ANKRD36: variants seen among roughly 807,000 people sequenced by gnomAD.
The protein encoded by ANKRD36 is ankyrin repeat domain-containing protein 36A.
In ANKRD36, 179 loss-of-function variants were observed where a neutral mutation model predicts 278.1. That is an observed-to-expected ratio of 0.64 (90% CI 0.57 to 0.73). The LOEUF (loss-of-function observed/expected upper bound fraction) is 0.73. ANKRD36 is among the 30% of genes least tolerant of loss of function. The probability of loss-of-function intolerance (pLI) is 0.00; values close to 1 mark genes in which losing one functional copy is unlikely to be tolerated. For missense variants in ANKRD36, 1,159 were observed against 1,956.7 expected (o/e 0.59, Z 7.69); for synonymous variants, 320 against 641.1 (o/e 0.50, Z 7.57).
chr2:97,193,785 AT>A (rs548602325), intron 38 of ANKRD36, among the ~76,000 whole-genome samples: 148 of 151,742 alleles, frequency 9.8e-4, no homozygotes, highest in African/African-American at 3.3e-3. Flanking sequence ...ATGTGAATAA[AT>A]TTTGCTTCCT....
In ANKRD36 at chr2:97,146,702, G is replaced by A. The variant is rs185994299; in HGVS notation, c.1034+186G>A. Among the ~76,000 whole-genome samples, 584 of 151,800 alleles carry A rather than the reference G, an allele frequency of 3.8e-3. 18 individuals carry two copies. In the East Asian group the frequency reaches 0.06, roughly 16 times the overall value. ...GCTGTTATTGCTTTTTTACTAATTA[G>A]GCAACTCTGCTTTAAAGAGGTTGAA... On this transcript the variant is annotated intron_variant, in intron 11 of 75. Transcript: ENST00000420699.
chr2:97,241,018 T>A (rs1319860507), intron 68 of ANKRD36, among the ~76,000 whole-genome samples: 7 of 90,560 alleles, frequency 7.7e-5, no homozygotes, highest in South Asian at 1.1e-3. Flanking sequence ...TTTTTTTTTT[T>A]ACAGGACCTA....
At chr2:97,157,308 A>G (rs1464356361) in intron 15 of ANKRD36, among the ~76,000 whole-genome samples, 1 of 150,966 alleles carries the variant, frequency 6.6e-6, no homozygotes, top group African/African-American at 2.4e-5. Flanking sequence ...GGCATATATT[A>G]TGAACACAAG....
chr2:97,203,995 A>G (rs1394383662), intron 48 of ANKRD36, 73 bp from the exon 49 acceptor site: 1 of 1,532,820 alleles, frequency 6.5e-7, no homozygotes, highest in South Asian at 1.2e-5. Flanking sequence ...GGCTGATGCT[A>G]ACACTGCATG....
rs1417381873 is a variant in ANKRD36, at chr2:97,205,642, C to T, written c.3062-298C>T. Among the ~76,000 whole-genome samples the T allele has an allele frequency of 2.6e-5, 4 of 151,542 alleles. No homozygotes were observed. The East Asian group carries it at 7.8e-4, about 29-fold the overall frequency. On this transcript the variant is annotated intron_variant, in intron 50 of 75. Coordinates refer to ENST00000420699, the MANE Select transcript of ANKRD36 (RefSeq NM_001354587.1). ...GTGAGTTGCTCCTCTGATTTTAGATCACATTTGTTCTCATCACTCGGCCTA... is the reference window on the plus strand; with the variant it reads ...GTGAGTTGCTCCTCTGATTTTAGATTACATTTGTTCTCATCACTCGGCCTA...
At chr2:97,146,613 C>G (rs1244274396) in intron 11 of ANKRD36, 97 bp downstream of exon 11, 1 of 1,109,902 alleles carries the variant, frequency 9.0e-7, no homozygotes, top group Non-Finnish European at 1.2e-6. Flanking sequence ...GTGCTAGACA[C>G]CATATTACAT....
chr2:97,144,390 A>T, intron 8 of ANKRD36, 128 bp from the exon 9 acceptor site: 1 of 1,350,754 alleles, frequency 7.4e-7, no homozygotes, highest in East Asian at 2.4e-5. Context: ...CAATACACAA[A>T]GTAGAAAACA....
Position 97,204,209 on chromosome 2 carries a change from G to T in ANKRD36, c.3007G>T (p.Asp1003Tyr), listed in dbSNP as rs753852137. The change falls in exon 50 of 76, where the codon GAT becomes TAT. Residue 1003 changes from aspartate to tyrosine, a missense_variant. Coordinates refer to ENST00000420699, the MANE Select transcript of ANKRD36 (RefSeq NM_001354587.1). ...CATTCAGGCTACAAGTGATGAGAAA[G>T]ATTCTGTTTTGAATATAGCCAGAGG... is the stretch of plus-strand genomic sequence containing the variant. Reference protein sequence around the residue: ...PGLKATSDEKDSVLNIARGKK... With the variant: ...PGLKATSDEKYSVLNIARGKK... 24 of 1,584,350 alleles carry T rather than the reference G, an allele frequency of 1.5e-5. No homozygotes were observed. Among genetic ancestry groups the T allele is most frequent in the Non-Finnish European group, 1.8e-5 (21 of 1,167,570 alleles).
At chr2:97,125,272 G>GT (rs571322204) in intron 5 of ANKRD36, among the ~76,000 whole-genome samples, 5,911 of 151,286 alleles carry the variant, frequency 0.039, 224 homozygotes, top group African/African-American at 0.09. Context: ...GTTACAACTG[G>GT]TTTTTTTTAG....
At chr2:97,176,926 C>A (rs891273814) in intron 22 of ANKRD36, among the ~76,000 whole-genome samples, 26 of 151,682 alleles carry the variant, frequency 1.7e-4, no homozygotes, top group African/African-American at 6.3e-4. Flanking sequence ...ATCTAGAAAA[C>A]CCTATTGTCT....
chr2:97,218,215 G>A (rs1383154585), intron 64 of ANKRD36, among the ~76,000 whole-genome samples: 2 of 150,068 alleles, frequency 1.3e-5, no homozygotes, highest in African/African-American at 2.5e-5. Context: ...TAATTTTACA[G>A]ACAAAAATAA....
intron 58 of ANKRD36, chr2:97,212,758 G>C (rs986820225): frequency 4.8e-5 from 8 of 166,036 alleles, no homozygotes; most frequent in Admixed American, 4.5e-4. Context: ...ATTATCCTTT[G>C]GTGCCATGAG....
chr2:97,149,863 C>G (rs1157322893), intron 12 of ANKRD36, among the ~76,000 whole-genome samples: 2 of 151,620 alleles, frequency 1.3e-5, no homozygotes, highest in Non-Finnish European at 2.9e-5. Context: ...TTTTGCAGAG[C>G]TATTTCTTTA....
chr2:97,210,683 C>T (rs1212013708), intron 56 of ANKRD36, among the ~76,000 whole-genome samples: 1 of 151,834 alleles, frequency 6.6e-6, no homozygotes, highest in African/African-American at 2.4e-5. Flanking sequence ...TAACGTGATA[C>T]TCCCAAAAAG....
chr2:97,134,939 T>G (rs914100510), intron 6 of ANKRD36, among the ~76,000 whole-genome samples: 6 of 152,048 alleles, frequency 3.9e-5, no homozygotes, highest in Non-Finnish European at 8.8e-5. Context: ...AAGCTGAATT[T>G]AAGGATTGTT....
intron 75 of ANKRD36, among the ~76,000 whole-genome samples, chr2:97,260,347 G>GATTATAT (rs2076567676): frequency 8.5e-6 from 1 of 117,648 alleles, no homozygotes; most frequent in Non-Finnish European, 1.7e-5. Flanking sequence ...TATTTTAAAA[G>GATTATAT]ATATATATAT....
chr2:97,208,748 C>T (rs1227932076), intron 54 of ANKRD36, among the ~76,000 whole-genome samples: 1 of 146,488 alleles, frequency 6.8e-6, no homozygotes, highest in Non-Finnish European at 1.5e-5. Flanking sequence ...AAATTTGCTT[C>T]CTTGTTCAAG....
At chr2:97,137,342 A>G (rs1229396208) in intron 6 of ANKRD36, among the ~76,000 whole-genome samples, 1 of 151,166 alleles carries the variant, frequency 6.6e-6, no homozygotes, top group African/African-American at 2.4e-5. Context: ...TTGAGATGGG[A>G]TTTCACCATG....
In ANKRD36 at chr2:97,181,583, C is replaced by A; in HGVS notation, c.1736-15C>A. The stretch of plus-strand genomic sequence containing the variant: ...ATGTACATGTGAGTGATTATGTTTC[C>A]CTTTTGCTTTTCAGTGTCTTCTCAG... On this transcript the variant is annotated splice_polypyrimidine_tract_variant and intron_variant, in intron 24 of 75. Coordinates refer to ENST00000420699, the MANE Select transcript of ANKRD36 (RefSeq NM_001354587.1). The A allele has an allele frequency of 1.2e-6, 2 of 1,603,284 alleles. No individual in the cohort carries two copies. Among genetic ancestry groups the A allele is most frequent in the African/African-American group, 2.7e-5 (2 of 74,664 alleles).
Sources: gnomAD v4.1 joint callset for allele counts (sites outside exome capture counted in the v4.1 genomes callset) on GRCh38, gnomAD v4.1.1 for gene constraint, MANE v1.5 for transcripts, NCBI Gene and HGNC (gene_info 2026-07-23, HGNC 2026-07-21) for gene names.